The following PPP1R2B variants were observed in gnomAD, a reference collection of about 807,000 sequenced individuals.
PPP1R2B encodes the protein PPP1R2 family member B.
A neutral mutation model predicts 17.6 loss-of-function variants in PPP1R2B; 13 were observed. That is an observed-to-expected ratio of 0.74 (90% CI 0.48 to 1.17). The LOEUF is 1.17. PPP1R2B is among the 50% of genes most tolerant of loss of function. The pLI, the probability that PPP1R2B is intolerant of heterozygous loss-of-function variation, is 0.00. For synonymous variants in PPP1R2B, 105 were observed against 95.4 expected (o/e 1.10, Z -0.59); for missense variants, 230 against 252.4 (o/e 0.91, Z 0.60).
chr5:156,851,118 G>C lies in PPP1R2B; in HGVS notation c.556G>C (p.Glu186Gln), dbSNP rs974241449. 10 of 1,592,274 alleles carry C rather than the reference G, an allele frequency of 6.3e-6. No homozygotes were observed. The highest frequency in any genetic ancestry group is 8.6e-6 in the Non-Finnish European group (10 of 1,160,298). ...ETADGESMNTEESNQGSTPSD... is the reference protein window; with the variant it reads ...ETADGESMNTQESNQGSTPSD... ...TGCAGATGGAGAAAGCATGAATACGGAAGAATCAAATCAAGGATCTACTCC... is the reference window on the plus strand; with the variant it reads ...TGCAGATGGAGAAAGCATGAATACGCAAGAATCAAATCAAGGATCTACTCC... Residue 186 changes from glutamate to glutamine, a missense_variant, in exon 1 of 1, where the codon GAA becomes CAA. Glu to Gln is a conservative substitution (Grantham distance 29, BLOSUM62 2). Transcript: ENST00000522232.
Position 156,851,075 on chromosome 5 carries a change from TGAA to T in PPP1R2B, c.517_519del (p.Glu173del), listed in dbSNP as rs1360169734. 1.3e-6 allele frequency: 2 copies of T among 1,553,824 alleles called. No individual in the cohort carries two copies. Among genetic ancestry groups the T allele is most frequent in the Non-Finnish European group, 1.8e-6 (2 of 1,125,616 alleles). ...AAGACCTACATGATGATGATGAAGA[TGAA>T]GAAATGTTAGAGACTGCAGATGGAG... On this transcript the variant is annotated inframe_deletion, in exon 1 of 1. Coordinates refer to ENST00000522232, the MANE Select transcript of PPP1R2B (RefSeq NM_206858.3).
chr5:156,850,480 G>A lies in PPP1R2B; in HGVS notation c.-83G>A. On this transcript the variant is annotated 5_prime_UTR_variant, in exon 1 of 1. Coordinates refer to ENST00000522232, the MANE Select transcript of PPP1R2B (RefSeq NM_206858.3). Reference sequence around the variant, plus strand: ...CCCTGAGCGGGCTCTGCGGCTGCCTGCGAGTCTCTGCTGTGCCGACCCTTC... The same window carrying A: ...CCCTGAGCGGGCTCTGCGGCTGCCTACGAGTCTCTGCTGTGCCGACCCTTC... 1 of 1,502,826 alleles carries A rather than the reference G, an allele frequency of 6.7e-7. No individual in the cohort carries two copies. The highest frequency in any genetic ancestry group is 2.1e-5 in the Admixed American group (1 of 47,838). 93.1% of individuals were successfully genotyped at this position (1,502,826 alleles called of 1,614,324 possible).
At position 156,851,509 on chromosome 5, in the gene PPP1R2B, G is replaced by A; in HGVS notation, c.*329G>A. 9.0e-6 allele frequency: 3 copies of A among 332,672 alleles called. No homozygotes were observed. Among genetic ancestry groups the A allele is most frequent in the Middle Eastern group, 8.8e-4 (1 of 1,132 alleles). The allele number at this position is 332,672 out of a possible 1,614,324, so 20.6% of individuals were successfully genotyped here. A position where few individuals can be genotyped will look rare whatever the true frequency, so the allele number is the denominator to read the frequency against. On this transcript the variant is annotated 3_prime_UTR_variant, in exon 1 of 1. Transcript: ENST00000522232. The stretch of plus-strand genomic sequence containing the variant: ...GAAGTTAAGCAATATCTTTGGGGGG[G>A]AACTAATTTATTTTCATCACTCGAA...
At position 156,850,458 on chromosome 5, in the gene PPP1R2B, T is replaced by C; in HGVS notation, c.-105T>C. ...GCAGCAGGTGCGGCCGCTTTAGCCC[T>C]GAGCGGGCTCTGCGGCTGCCTGCGA... On this transcript the variant is annotated 5_prime_UTR_variant, in exon 1 of 1. Transcript: ENST00000522232. 2.2e-6 allele frequency: 3 copies of C among 1,375,170 alleles called. No individual in the cohort carries two copies. Among genetic ancestry groups the C allele is most frequent in the South Asian group, 1.4e-5 (1 of 71,478 alleles). The allele number at this position is 1,375,170 out of a possible 1,614,324, so 85.2% of individuals were successfully genotyped here. A position where few individuals can be genotyped will look rare whatever the true frequency, so the allele number is the denominator to read the frequency against.
Position 156,851,288 on chromosome 5 carries a change from C to A in PPP1R2B, c.*108C>A. 1.2e-6 allele frequency: 1 copy of A among 849,738 alleles called. No homozygotes were observed. The highest frequency in any genetic ancestry group is 1.9e-6 in the Non-Finnish European group (1 of 520,252). The allele number at this position is 849,738 out of a possible 1,614,324, so 52.6% of individuals were successfully genotyped here. On this transcript the variant is annotated 3_prime_UTR_variant, in exon 1 of 1. Transcript: ENST00000522232. ...ATGACTTAAGTACCAAAATGCATAC[C>A]AGTTATTATATATTGCCAAGAATTA...
Position 156,851,623 on chromosome 5 carries a change from C to T in PPP1R2B, c.*443C>T, listed in dbSNP as rs757335799. 6.0e-6 allele frequency: 1 copy of T among 167,188 alleles called. No individual in the cohort carries two copies. The highest frequency in any genetic ancestry group is 1.3e-5 in the Non-Finnish European group (1 of 77,784). 10.4% of individuals were successfully genotyped at this position (167,188 alleles called of 1,614,324 possible). ...CAGGATATATAGACTTATAAATATTCAAGCTGAATCGTATTTTAACACTTC... is the reference window on the plus strand; with the variant it reads ...CAGGATATATAGACTTATAAATATTTAAGCTGAATCGTATTTTAACACTTC... On this transcript the variant is annotated 3_prime_UTR_variant, in exon 1 of 1. Coordinates refer to ENST00000522232, the MANE Select transcript of PPP1R2B (RefSeq NM_206858.3).
chr5:156,850,598 G>A lies in PPP1R2B; in HGVS notation c.36G>A (p.Lys12=), dbSNP rs759196385. The A allele has an allele frequency of 1.9e-6, 3 of 1,597,012 alleles. No homozygotes were observed. Among genetic ancestry groups the A allele is most frequent in the Non-Finnish European group, 2.6e-6 (3 of 1,171,478 alleles). ...AASTASHRPI[K]GILKNKTSTT... is the part of the protein sequence containing the mutation. ...CGACGGCCTCCCACCGGCCCATCAA[G>A]GGGATCTTGAAGAACAAGACCTCTA... Residue 12 remains lysine, a synonymous_variant, in exon 1 of 1, where the codon AAG becomes AAA. Coordinates refer to ENST00000522232, the MANE Select transcript of PPP1R2B (RefSeq NM_206858.3).
chr5:156,852,273 G>C lies in PPP1R2B; in HGVS notation c.*1093G>C, dbSNP rs1224974861. Reference sequence around the variant, plus strand: ...TGCTATTATTAGTTTGGCTTAATTAGACTTAAGAAAACAACCGAGGGTTTT... The same window carrying C: ...TGCTATTATTAGTTTGGCTTAATTACACTTAAGAAAACAACCGAGGGTTTT... On this transcript the variant is annotated 3_prime_UTR_variant, in exon 1 of 1. Transcript: ENST00000522232. 6.6e-6 allele frequency: 1 copy of C among 152,050 alleles called. No individual in the cohort carries two copies. Among genetic ancestry groups the C allele is most frequent in the Non-Finnish European group, 1.5e-5 (1 of 67,984 alleles). The allele number at this position is 152,050 out of a possible 1,614,324, so 9.4% of individuals were successfully genotyped here.
rs1758489695 is a variant in PPP1R2B at position 156,852,152 on chromosome 5, A to T, written c.*972A>T. The stretch of plus-strand genomic sequence containing the variant: ...TGCCTATGAATTCTTCTAATACATG[A>T]AGAAAATAGATTGAGTAGCAGCAGT... On this transcript the variant is annotated 3_prime_UTR_variant, in exon 1 of 1. Transcript: ENST00000522232. 6.6e-6 allele frequency: 1 copy of T among 152,176 alleles called. No individual in the cohort carries two copies. Among genetic ancestry groups the T allele is most frequent in the Non-Finnish European group, 1.5e-5 (1 of 67,994 alleles). 9.4% of individuals were successfully genotyped at this position (152,176 alleles called of 1,614,324 possible).
Position 156,850,721 on chromosome 5 carries a change from G to C in PPP1R2B, c.159G>C (p.Leu53Phe). Residue 53 changes from leucine to phenylalanine, a missense_variant, in exon 1 of 1, where the codon TTG becomes TTC. By Grantham distance (22) the Leu-to-Phe change is conservative. Transcript: ENST00000522232. ...KSQKWDEINI[L>F]ATYHPADKGY... is the part of the protein sequence containing the mutation. ...AGAAGTGGGATGAAATTAACATCTT[G>C]GCGACCTATCATCCAGCAGACAAAG... The C allele has an allele frequency of 6.5e-7, 1 of 1,544,506 alleles. No individual in the cohort carries two copies. Among genetic ancestry groups the C allele is most frequent in the South Asian group, 1.1e-5 (1 of 89,648 alleles).
Position 156,851,145 on chromosome 5 carries a change from A to G in PPP1R2B, c.583A>G (p.Ser195Gly), listed in dbSNP as rs1360611602. ...AGAATCAAATCAAGGATCTACTCCA[A>G]GTGACCAACAGCAAAACAAATTACG... is the stretch of plus-strand genomic sequence containing the variant. The part of the protein sequence containing the change: ...TEESNQGSTP[S>G]DQQQNKLRSS The change falls in exon 1 of 1, where the codon AGT becomes GGT. Residue 195 changes from serine to glycine, a missense_variant. Transcript: ENST00000522232. 2.5e-6 allele frequency: 4 copies of G among 1,585,918 alleles called. No homozygotes were observed. The South Asian group carries it at 3.3e-5, about 13-fold the overall frequency.
chr5:156,851,504 G>T lies in PPP1R2B; in HGVS notation c.*324G>T. ...CTTTAGAAGTTAAGCAATATCTTTGGGGGGGAACTAATTTATTTTCATCAC... is the reference window on the plus strand; with the variant it reads ...CTTTAGAAGTTAAGCAATATCTTTGTGGGGGAACTAATTTATTTTCATCAC... On this transcript the variant is annotated 3_prime_UTR_variant, in exon 1 of 1. Transcript: ENST00000522232. 1 of 352,534 alleles carries T rather than the reference G, an allele frequency of 2.8e-6. No individual in the cohort carries two copies. The allele number at this position is 352,534 out of a possible 1,614,324, so 21.8% of individuals were successfully genotyped here.
At position 156,850,582 on chromosome 5, in the gene PPP1R2B, C is replaced by T. The variant is rs1452984169; in HGVS notation, c.20C>T (p.Ser7Phe). 6.3e-7 allele frequency: 1 copy of T among 1,591,418 alleles called. No homozygotes were observed. The highest frequency in any genetic ancestry group is 2.3e-5 in the East Asian group (1 of 43,972). ...CCGGCAATGGCGGCCTCGACGGCCT[C>T]CCACCGGCCCATCAAGGGGATCTTG... MAASTASHRPIKGILKN... is the reference protein window; with the variant it reads MAASTAFHRPIKGILKN... Residue 7 changes from serine (S) to phenylalanine (F), a missense_variant, in exon 1 of 1, where the codon TCC (serine) becomes TTC (phenylalanine). Ser to Phe is a radical substitution (Grantham distance 155). Coordinates refer to ENST00000522232, the MANE Select transcript of PPP1R2B (RefSeq NM_206858.3).
chr5:156,851,213 A>T lies in PPP1R2B; in HGVS notation c.*33A>T. On this transcript the variant is annotated 3_prime_UTR_variant, in exon 1 of 1. Coordinates refer to ENST00000522232, the MANE Select transcript of PPP1R2B (RefSeq NM_206858.3). ...TTGTTCAACACTGCAATTGTTTGTT[A>T]GATATAAACCCTGTGACTATAATAC... 1.3e-6 allele frequency: 2 copies of T among 1,495,366 alleles called. No individual in the cohort carries two copies. The highest frequency in any genetic ancestry group is 1.9e-6 in the Non-Finnish European group (2 of 1,073,522). The allele number at this position is 1,495,366 out of a possible 1,614,324, so 92.6% of individuals were successfully genotyped here.
chr5:156,850,943 T>C lies in PPP1R2B; in HGVS notation c.381T>C (p.Ser127=), dbSNP rs766278253. Residue 127 remains serine, a synonymous_variant, in exon 1 of 1, where the codon AGT becomes AGC. Coordinates refer to ENST00000522232, the MANE Select transcript of PPP1R2B (RefSeq NM_206858.3). ...QEQESSGEED[S]DLSPEEREKK... ...AAGAAAGCAGTGGAGAGGAGGATAG[T>C]GACCTCTCACCTGAAGAACGAGAAA... 1.6e-5 allele frequency: 25 copies of C among 1,612,472 alleles called. No homozygotes were observed. In the East Asian group the frequency reaches 4.5e-4, roughly 29 times the overall value.
rs1475731475 is a variant in PPP1R2B, at chr5:156,850,364, C to A, written c.-199C>A. ...CGGCGGCTAATGGTGCGCGAGGAGCCGCCACCCATTCGGCGTTGGCTCTGG... is the reference window on the plus strand; with the variant it reads ...CGGCGGCTAATGGTGCGCGAGGAGCAGCCACCCATTCGGCGTTGGCTCTGG... On this transcript the variant is annotated 5_prime_UTR_variant, in exon 1 of 1. Coordinates refer to ENST00000522232, the MANE Select transcript of PPP1R2B (RefSeq NM_206858.3). 1.3e-5 allele frequency among the ~76,000 whole-genome samples: 2 copies of A among 151,778 alleles called. No homozygotes were observed. Among genetic ancestry groups the A allele is most frequent in the African/African-American group, 2.4e-5 (1 of 41,324 alleles).
rs1207913373 is a variant in PPP1R2B, at chr5:156,850,716, A to T, written c.154A>T (p.Ile52Phe). The T allele has an allele frequency of 6.5e-7, 1 of 1,547,326 alleles. No individual in the cohort carries two copies. Among genetic ancestry groups the T allele is most frequent in the Non-Finnish European group, 8.9e-7 (1 of 1,119,382 alleles). Reference protein sequence around the residue: ...KKSQKWDEINILATYHPADKG... With the variant: ...KKSQKWDEINFLATYHPADKG... ...ATCCCAGAAGTGGGATGAAATTAAC[A>T]TCTTGGCGACCTATCATCCAGCAGA... The change falls in exon 1 of 1, where the codon ATC (isoleucine) becomes TTC (phenylalanine). Residue 52 changes from isoleucine to phenylalanine, a missense_variant. Physicochemically the swap from Ile to Phe is conservative, Grantham distance 21 (BLOSUM62 0). Coordinates refer to ENST00000522232, the MANE Select transcript of PPP1R2B (RefSeq NM_206858.3).
Position 156,850,423 on chromosome 5 carries a change from CG to C in PPP1R2B, c.-139del. Reference sequence around the variant, plus strand: ...TCGTTGTGACAACCGCTCCAGTAGCCGTTTCCGAGGCAGCAGGTGCGGCCGC... The same window carrying C: ...TCGTTGTGACAACCGCTCCAGTAGCCTTTCCGAGGCAGCAGGTGCGGCCGC... On this transcript the variant is annotated 5_prime_UTR_variant, in exon 1 of 1. An upstream open reading frame in the 5' UTR loses its in-frame stop. Transcript: ENST00000522232. 4 of 1,042,894 alleles carry C rather than the reference CG, an allele frequency of 3.8e-6. No individual in the cohort carries two copies. Among genetic ancestry groups the C allele is most frequent in the Non-Finnish European group, 2.7e-6 (2 of 729,908 alleles). 64.6% of individuals were successfully genotyped at this position (1,042,894 alleles called of 1,614,324 possible).
Position 156,852,279 on chromosome 5 carries a change from A to C in PPP1R2B, c.*1099A>C, listed in dbSNP as rs1451884282. On this transcript the variant is annotated 3_prime_UTR_variant, in exon 1 of 1. Coordinates refer to ENST00000522232, the MANE Select transcript of PPP1R2B (RefSeq NM_206858.3). ...TATTAGTTTGGCTTAATTAGACTTA[A>C]GAAAACAACCGAGGGTTTTTTTTTG... is the stretch of plus-strand genomic sequence containing the variant. 6.6e-6 allele frequency: 1 copy of C among 152,146 alleles called. No homozygotes were observed. Among genetic ancestry groups the C allele is most frequent in the Non-Finnish European group, 1.5e-5 (1 of 67,990 alleles). The allele number at this position is 152,146 out of a possible 1,614,324, so 9.4% of individuals were successfully genotyped here. A position where few individuals can be genotyped will look rare whatever the true frequency, so the allele number is the denominator to read the frequency against.
Sources: gnomAD v4.1 joint callset for allele counts (sites outside exome capture counted in the v4.1 genomes callset) on GRCh38, gnomAD v4.1.1 for gene constraint, MANE v1.5 for transcripts, NCBI Gene and HGNC (gene_info 2026-07-23, HGNC 2026-07-21) for gene names.